DENND3: variants seen among roughly 807,000 people sequenced by gnomAD.
The protein encoded by DENND3 is DENN domain containing 3.
A neutral mutation model predicts 135.1 loss-of-function variants in DENND3; 88 were observed. That is an observed-to-expected ratio of 0.65 (90% confidence interval 0.55 to 0.78). DENND3 has a LOEUF of 0.78. Ranked by LOEUF, DENND3 falls within the 30% of genes least tolerant of loss-of-function variation. The probability of loss-of-function intolerance (pLI) is 0.00; values close to 1 mark genes in which losing one functional copy is unlikely to be tolerated. For missense variants in DENND3, 1,392 were observed against 1,688.4 expected, an observed-to-expected ratio of 0.82 and a Z score of 3.08; for synonymous variants, 693 against 712.3, an observed-to-expected ratio of 0.97 and a Z score of 0.43.
chr8:141,177,567 A>C (rs1822550534), intron 15 of DENND3: 1 of 152,878 alleles, frequency 6.5e-6, no homozygotes, highest in Admixed American at 6.5e-5. Context: ...GTCACAGGGC[A>C]GAGGGGGACT....
At chr8:141,192,132 CA>C in intron 20 of DENND3, 198 bp from the exon 21 acceptor site, 1 of 560,286 alleles carries the variant, frequency 1.8e-6, no homozygotes, top group South Asian at 3.4e-5. Context: ...TGGTGAGCCT[CA>C]TTTCTTCTTA....
chr8:141,185,003 G>C, intron 17 of DENND3, 136 bp from the exon 18 acceptor site: 1 of 1,159,004 alleles, frequency 8.6e-7, no homozygotes, highest in Non-Finnish European at 1.2e-6. Context: ...GCCTGGGCAC[G>C]TCTTTGTACG....
At chr8:141,134,978 G>A (rs1368899093) in intron 1 of DENND3, among the ~76,000 whole-genome samples, 2 of 152,026 alleles carry the variant, frequency 1.3e-5, no homozygotes, top group African/African-American at 4.8e-5. Flanking sequence ...AGCTGGGACT[G>A]CAGGCATGCG....
rs1817760445 is a variant in DENND3 at position 141,144,021 on chromosome 8, T to C, written c.624-127T>C. The C allele has an allele frequency of 9.2e-6, 7 of 759,422 alleles. No individual in the cohort carries two copies. The South Asian group carries it at 1.4e-4, about 15-fold the overall frequency. 47.0% of individuals were successfully genotyped at this position (759,422 alleles called of 1,614,324 possible). ...ACCCAGCAGCTTGGTGACTTTGCTT[T>C]TGGTGAAAGGTCCTGGAGCTGCTGC... On this transcript the variant is annotated intron_variant, in intron 4 of 22. Transcript: ENST00000519811. This position sits in a 1 kb window ranked among gnomAD's most constrained non-coding sequence, Gnocchi z 4.4.
At position 141,168,065 on chromosome 8, in the gene DENND3, G is replaced by A. The variant is rs755916757; in HGVS notation, c.1815G>A (p.Leu605=). 1 of 1,614,080 alleles carries A rather than the reference G, an allele frequency of 6.2e-7. No individual in the cohort carries two copies. Among genetic ancestry groups the A allele is most frequent in the South Asian group, 1.1e-5 (1 of 91,082 alleles). The change falls in exon 13 of 23, where the codon CTG becomes CTA. Residue 605 remains leucine, a synonymous_variant. Transcript: ENST00000519811. The surrounding 1 kb of genome is among the most constrained non-coding windows in gnomAD (Gnocchi z 6.2). ...AGATTCCCGAAATCCACTTTCCGCT[G>A]GAGAGCAAGTGCGTGCAGGCATACC... is the stretch of plus-strand genomic sequence containing the variant. ...TFKIPEIHFP[L]ESKCVQAYHA... is the part of the protein sequence containing the mutation.
rs1345004336 is a variant in DENND3, at chr8:141,154,932, C to T, written c.1075-917C>T. Among the ~76,000 whole-genome samples the T allele has an allele frequency of 6.6e-6, 1 of 152,160 alleles. No individual in the cohort carries two copies. Among genetic ancestry groups the T allele is most frequent in the African/African-American group, 2.4e-5 (1 of 41,414 alleles). On this transcript the variant is annotated intron_variant, in intron 7 of 22. Coordinates refer to ENST00000519811, the MANE Select transcript of DENND3 (RefSeq NM_001352890.3). This position sits in a 1 kb window ranked among gnomAD's most constrained non-coding sequence, Gnocchi z 4.4. ...AAATGTGGTCTTTCCAAATAATGGA[C>T]TATTCAGGCTGAAGAAGCAAGGATG...
chr8:141,153,794 CA>C, intron 7 of DENND3, among the ~76,000 whole-genome samples: 1 of 152,324 alleles, frequency 6.6e-6, no homozygotes, highest in East Asian at 1.9e-4. Flanking sequence ...ATTAGGGGAA[CA>C]AAATTGTGTT....
intron 19 of DENND3, 26 bp downstream of exon 19, chr8:141,189,172 G>A (rs1171924032): frequency 2.5e-6 from 4 of 1,613,776 alleles, no homozygotes; most frequent in Non-Finnish European, 3.4e-6. Context: ...CTGGGGAGAA[G>A]GGACTGTTTG....
chr8:141,134,400 T>C (rs1349507370), intron 1 of DENND3, among the ~76,000 whole-genome samples: 1 of 151,834 alleles, frequency 6.6e-6, no homozygotes, highest in Non-Finnish European at 1.5e-5. Context: ...GTTCACGCCA[T>C]TCTCCTGCCT....
chr8:141,145,834 TATATATATA>T (rs1818019330), intron 5 of DENND3, among the ~76,000 whole-genome samples: 4 of 82,334 alleles, frequency 4.9e-5, no homozygotes, highest in African/African-American at 3.5e-4. Flanking sequence ...TATATATATA[TATATATATA>T]TATATATGTA....
Position 141,189,524 on chromosome 8 carries a change from T to C in DENND3, c.3245+378T>C, listed in dbSNP as rs1824406115. Among the ~76,000 whole-genome samples, 3 of 152,348 alleles carry C rather than the reference T, an allele frequency of 2.0e-5. No homozygotes were observed. In the South Asian group the frequency reaches 6.2e-4, roughly 32 times the overall value. On this transcript the variant is annotated intron_variant, in intron 19 of 22. Transcript: ENST00000519811. ...TGCTCAGTGTTGGCCTTGGGCTGCCTGTTCGCTGCTGTTTCCCACAGTGGG... is the reference window on the plus strand; with the variant it reads ...TGCTCAGTGTTGGCCTTGGGCTGCCCGTTCGCTGCTGTTTCCCACAGTGGG...
At chr8:141,176,569 C>T (rs934401730) in intron 14 of DENND3, 22 bp from the exon 15 acceptor site, 2 of 1,613,962 alleles carry the variant, frequency 1.2e-6, no homozygotes, top group African/African-American at 2.7e-5. Context: ...ACATTCCTAA[C>T]TTTTCTTTTC....
At chr8:141,190,521 C>T in intron 20 of DENND3, 104 bp downstream of exon 20, 1 of 1,408,560 alleles carries the variant, frequency 7.1e-7, no homozygotes, top group Non-Finnish European at 9.2e-7. Flanking sequence ...TCACGCCTTT[C>T]CAGTCTTTAT....
chr8:141,165,833 T>C (rs1820721263), intron 11 of DENND3, among the ~76,000 whole-genome samples: 1 of 152,148 alleles, frequency 6.6e-6, no homozygotes, highest in African/African-American at 2.4e-5. Context: ...TTTGTGGCCC[T>C]TGCGTCTTCC....
Position 141,175,349 on chromosome 8 carries a change from G to A in DENND3, c.2425G>A (p.Val809Ile), listed in dbSNP as rs201373602. The change falls in exon 14 of 23, where the codon GTC becomes ATC. Residue 809 changes from valine to isoleucine, a missense_variant. Val to Ile is a conservative substitution (Grantham distance 29). Coordinates refer to ENST00000519811, the MANE Select transcript of DENND3 (RefSeq NM_001352890.3). This position sits in a 1 kb window ranked among gnomAD's most constrained non-coding sequence, Gnocchi z 5.4. ...NECVCKLSSSVKTNLGVGKIA... is the reference protein window; with the variant it reads ...NECVCKLSSSIKTNLGVGKIA... Reference sequence around the variant, plus strand: ...GTGTGTGTGTAAGTTGTCCAGCTCCGTCAAGACAAACCTAGGCGTTGGCAA... The same window carrying A: ...GTGTGTGTGTAAGTTGTCCAGCTCCATCAAGACAAACCTAGGCGTTGGCAA... The A allele has an allele frequency of 1.1e-4, 171 of 1,614,098 alleles. No homozygotes were observed. Among genetic ancestry groups the A allele is most frequent in the East Asian group, 4.5e-4 (20 of 44,902 alleles).
chr8:141,183,419 ATTTTTTT>A (rs1224506549), intron 17 of DENND3, among the ~76,000 whole-genome samples: 42 of 121,640 alleles, frequency 3.5e-4, no homozygotes, highest in Non-Finnish European at 5.8e-4. Flanking sequence ...CAATTTTTGT[ATTTTTTT>A]TTTTTTTTTT....
At chr8:141,186,225 T>C (rs1427268996) in intron 18 of DENND3, among the ~76,000 whole-genome samples, 1 of 152,172 alleles carries the variant, frequency 6.6e-6, no homozygotes, top group Non-Finnish European at 1.5e-5. Flanking sequence ...GAACCTGCAG[T>C]GTTTCCTGGG....
intron 1 of DENND3, among the ~76,000 whole-genome samples, chr8:141,135,031 G>C (rs1356219851): frequency 1.3e-5 from 2 of 152,140 alleles, no homozygotes; most frequent in Admixed American, 6.5e-5. Flanking sequence ...AGTAGAGACG[G>C]GGTTTCACTG....
At chr8:141,187,726 T>TC (rs1019458239) in intron 18 of DENND3, among the ~76,000 whole-genome samples, 1 of 151,356 alleles carries the variant, frequency 6.6e-6, no homozygotes, top group African/African-American at 2.4e-5. Context: ...CTAAATCATT[T>TC]CCCCCCATAT....
Sources: gnomAD v4.1 joint callset for allele counts (sites outside exome capture counted in the v4.1 genomes callset) on GRCh38, gnomAD v4.1.1 for gene constraint, Gnocchi (gnomAD v3.1) non-coding constraint, MANE v1.5 for transcripts, NCBI Gene and HGNC (gene_info 2026-07-23, HGNC 2026-07-21) for gene names.